Variants in OSTF1 observed in about 807,000 individuals in gnomAD.
OSTF1 encodes osteoclast-stimulating factor 1.
In OSTF1, 27 loss-of-function variants were observed where a neutral mutation model predicts 37.2. The ratio of observed to expected loss-of-function variants is 0.73; its 90% CI spans 0.54 to 1.00. The LOEUF is 1.00. OSTF1 is among the 50% of genes least tolerant of loss of function. The probability of loss-of-function intolerance (pLI) is 0.00; values close to 1 mark genes in which losing one functional copy is unlikely to be tolerated. For synonymous variants in OSTF1, 82 were observed against 89.2 expected (o/e 0.92, Z 0.46); for missense variants, 232 against 253.8 (o/e 0.91, Z 0.58).
intron 1 of OSTF1, among the ~76,000 whole-genome samples, chr9:75,089,489 A>G (rs1227128461): frequency 1.3e-5 from 2 of 152,134 alleles, no homozygotes; most frequent in Admixed American, 6.5e-5. Context: ...ATTTTCTGTG[A>G]TATGCAGAAA....
At chr9:75,111,737 C>G (rs1825391848) in intron 1 of OSTF1, among the ~76,000 whole-genome samples, 1 of 150,668 alleles carries the variant, frequency 6.6e-6, no homozygotes. Context: ...ACTTAGCCTC[C>G]TTGCATACAC....
chr9:75,102,348 T>C (rs1587441625), intron 1 of OSTF1, among the ~76,000 whole-genome samples: 1 of 152,192 alleles, frequency 6.6e-6, no homozygotes, highest in Non-Finnish European at 1.5e-5. Context: ...TCTGGGCTGG[T>C]GTTTTTTCAC....
chr9:75,140,299 C>A (rs1342131569), intron 8 of OSTF1, among the ~76,000 whole-genome samples: 3 of 152,128 alleles, frequency 2.0e-5, no homozygotes, highest in African/African-American at 7.2e-5. Flanking sequence ...ATTTTTGAAT[C>A]CTTAACAATG....
At chr9:75,121,411 G>C (rs779545038) in intron 2 of OSTF1, among the ~76,000 whole-genome samples, 12 of 151,862 alleles carry the variant, frequency 7.9e-5, no homozygotes, top group Admixed American at 2.0e-4. Context: ...AATTCTTTAG[G>C]CTTTAAAAAA....
chr9:75,126,961 T>G (rs1825672074), intron 2 of OSTF1, among the ~76,000 whole-genome samples: 1 of 152,216 alleles, frequency 6.6e-6, no homozygotes, highest in South Asian at 2.1e-4. Context: ...AGCCAACTCC[T>G]TAGAGCTGCT....
rs1825930272 is a variant in OSTF1, at chr9:75,140,827, T to C, written c.488-7T>C. On this transcript the variant is annotated splice_region_variant and splice_polypyrimidine_tract_variant and intron_variant, in intron 8 of 9. Coordinates refer to ENST00000346234, the MANE Select transcript of OSTF1 (RefSeq NM_012383.5). ...GACACCTAATTGACTTTTCTTGTGT[T>C]GGGAAGGTGCTAGAACAGACTTAAG... 1.2e-6 allele frequency: 2 copies of C among 1,607,938 alleles called. No homozygotes were observed. Among genetic ancestry groups the C allele is most frequent in the Non-Finnish European group, 1.7e-6 (2 of 1,174,698 alleles).
intron 1 of OSTF1, among the ~76,000 whole-genome samples, chr9:75,099,902 G>A (rs11788614): frequency 1.8e-4 from 27 of 152,056 alleles, no homozygotes; most frequent in Non-Finnish European, 2.6e-4. Context: ...TAAGGACATA[G>A]AATTATACTT....
chr9:75,099,161 C>T (rs11144227), intron 1 of OSTF1, among the ~76,000 whole-genome samples: 34,687 of 151,926 alleles, frequency 0.23, 4,043 homozygotes, highest in Admixed American at 0.24. Context: ...TGGTCTCGAA[C>T]TCCTGATCTT....
intron 1 of OSTF1, among the ~76,000 whole-genome samples, chr9:75,099,763 A>T (rs904817966): frequency 1.3e-5 from 2 of 152,034 alleles, no homozygotes; most frequent in African/African-American, 4.8e-5. Flanking sequence ...TGGAAGGCGG[A>T]GGTTGCAGTG....
At chr9:75,134,289 AT>A (rs1418791680) in intron 6 of OSTF1, 56 bp from the exon 7 acceptor site, 1 of 760,670 alleles carries the variant, frequency 1.3e-6, no homozygotes, top group Non-Finnish European at 2.2e-6. Context: ...TTGTACCTAG[AT>A]TTGTCAGGCT....
At chr9:75,128,071 A>T (rs1376088718) in intron 3 of OSTF1, among the ~76,000 whole-genome samples, 2 of 151,900 alleles carry the variant, frequency 1.3e-5, no homozygotes, top group African/African-American at 4.8e-5. Flanking sequence ...AAGAGTAAAG[A>T]TCCTTTCTCT....
chr9:75,112,551 A>AT (rs1825409826), intron 1 of OSTF1, among the ~76,000 whole-genome samples: 1 of 152,260 alleles, frequency 6.6e-6, no homozygotes, highest in Admixed American at 6.5e-5. Flanking sequence ...CAGATAGAAT[A>AT]TTCATTTGCA....
intron 2 of OSTF1, among the ~76,000 whole-genome samples, chr9:75,124,761 CTATT>C (rs1441236677): frequency 6.6e-6 from 1 of 151,858 alleles, no homozygotes; most frequent in Non-Finnish European, 1.5e-5. Flanking sequence ...TTTTTAAAAG[CTATT>C]TGTTTGGTAC....
At chr9:75,118,679 G>C (rs542648161) in intron 2 of OSTF1, among the ~76,000 whole-genome samples, 1 of 152,318 alleles carries the variant, frequency 6.6e-6, no homozygotes, top group African/African-American at 2.4e-5. Context: ...AGTCATGGCG[G>C]AAGGCGAAAG....
chr9:75,137,661 A>G, intron 8 of OSTF1, 45 bp downstream of exon 8: 2 of 1,183,010 alleles, frequency 1.7e-6, no homozygotes, highest in Non-Finnish European at 2.5e-6. Context: ...TGCCCTGAAA[A>G]ATAGTCTATA....
chr9:75,145,166 T>TCTAC (rs1826002250), intron 9 of OSTF1, among the ~76,000 whole-genome samples: 1 of 62,094 alleles, frequency 1.6e-5, no homozygotes, highest in Non-Finnish European at 3.2e-5. Flanking sequence ...TATCTACCTA[T>TCTAC]CTATCTATCT....
intron 2 of OSTF1, among the ~76,000 whole-genome samples, chr9:75,126,561 A>T (rs1825665004): frequency 6.6e-6 from 1 of 152,090 alleles, no homozygotes; most frequent in Admixed American, 6.5e-5. Flanking sequence ...CTTTATTCAG[A>T]AAGTGTTTTT....
At chr9:75,134,148 A>G (rs990789659) in intron 6 of OSTF1, among the ~76,000 whole-genome samples, 198 bp from the exon 7 acceptor site, 2 of 152,190 alleles carry the variant, frequency 1.3e-5, no homozygotes, top group Non-Finnish European at 2.9e-5. Context: ...AGCCAAAACT[A>G]TTAGAAAAAG....
intron 4 of OSTF1, 68 bp downstream of exon 4, chr9:75,130,709 C>T: frequency 1.1e-6 from 1 of 916,276 alleles, no homozygotes; most frequent in Non-Finnish European, 1.8e-6. Flanking sequence ...TGATGCTTTT[C>T]TGCTTGCTAC....
Sources: allele counts gnomAD v4.1 joint callset (sites outside exome capture counted in the v4.1 genomes callset), GRCh38; gene constraint gnomAD v4.1.1; transcripts MANE v1.5; gene names NCBI Gene and HGNC (gene_info 2026-07-23, HGNC 2026-07-21).